Variants in SMG6 observed in about 807,000 individuals in gnomAD.
SMG6 encodes SMG6 nonsense mediated mRNA decay factor.
Under a neutral mutation model 142.2 loss-of-function variants are expected in SMG6, and 66 were observed. That is an observed-to-expected ratio of 0.46 (90% CI 0.38 to 0.57). The LOEUF (loss-of-function observed/expected upper bound fraction) is 0.57, where lower values mean the gene tolerates loss of function less well. Ranked by LOEUF, SMG6 falls within the 20% of genes least tolerant of loss-of-function variation. SMG6 has a pLI of 0.00. For missense variants in SMG6, 1,793 were observed against 1,832.0 expected (o/e 0.98, Z 0.39); for synonymous variants, 779 against 702.4 (o/e 1.11, Z -1.72).
rs1160778670 is a variant in SMG6, at chr17:2,068,806, C to T, written c.3807G>A (p.Arg1269=). ...LASLARLLES[R]KYILVVPLIV... is the part of the protein sequence containing the mutation. ...TGAGGGGCACCACCAGGATGTACTT[C>T]CTGCTCTCCAGCAGCCGCGCCAGAC... Residue 1269 remains arginine (R), a synonymous_variant, in exon 16 of 19, where the codon AGG becomes AGA. Transcript: ENST00000263073. The surrounding 1 kb of genome is among the most constrained non-coding windows in gnomAD (Gnocchi z 6.7). 2 of 1,614,090 alleles carry T rather than the reference C, an allele frequency of 1.2e-6. No homozygotes were observed. The highest frequency in any genetic ancestry group is 1.3e-5 in the African/African-American group (1 of 74,938).
At chr17:2,066,946 A>G (rs2067970097) in intron 16 of SMG6, among the ~76,000 whole-genome samples, 1 of 152,244 alleles carries the variant, frequency 6.6e-6, no homozygotes, top group South Asian at 2.1e-4. Flanking sequence ...CAGGTTAAAG[A>G]GCACCAGAAA....
Position 2,076,425 on chromosome 17 carries a change from T to C in SMG6, c.3681+5385A>G, listed in dbSNP as rs150915865. On this transcript the variant is annotated intron_variant, in intron 15 of 18. Coordinates refer to ENST00000263073, the MANE Select transcript of SMG6 (RefSeq NM_017575.5). ...ACAATTTATACCTTTTCCTTGGATTTTCCCCCCTTAAATTAAACAAAAAGA... is the reference window on the plus strand; with the variant it reads ...ACAATTTATACCTTTTCCTTGGATTCTCCCCCCTTAAATTAAACAAAAAGA... 2.8e-3 allele frequency among the ~76,000 whole-genome samples: 433 copies of C among 152,290 alleles called. 4 individuals are homozygous for C. Among genetic ancestry groups the C allele is most frequent in the African/African-American group, 8.1e-3 (336 of 41,552 alleles).
chr17:2,292,359 T>C (rs1052095839), intron 6 of SMG6, among the ~76,000 whole-genome samples, 193 bp downstream of exon 6: 16 of 152,132 alleles, frequency 1.1e-4, no homozygotes, highest in Non-Finnish European at 1.9e-4. Context: ...AGAGATGAAG[T>C]ACAGAGTTAA....
chr17:2,303,244 G>A (rs1192169971), intron 1 of SMG6: 2 of 1,038,134 alleles, frequency 1.9e-6, no homozygotes, highest in Non-Finnish European at 2.3e-6. Flanking sequence ...GCGGTGGCCG[G>A]GGCAGGCCCG....
At chr17:2,164,280 G>A (rs970372500) in intron 13 of SMG6, among the ~76,000 whole-genome samples, 7 of 146,908 alleles carry the variant, frequency 4.8e-5, no homozygotes, top group South Asian at 2.2e-4. Context: ...AAAATTAGCC[G>A]GGCATGGTGG....
At chr17:2,172,933 A>G in intron 12 of SMG6, 74 bp from the exon 13 acceptor site, 1 of 1,389,404 alleles carries the variant, frequency 7.2e-7, no homozygotes, top group South Asian at 1.2e-5. Flanking sequence ...AGTATTTGTG[A>G]GCAGGGAAGT....
intron 13 of SMG6, among the ~76,000 whole-genome samples, chr17:2,129,113 C>T (rs1486100184): frequency 6.6e-6 from 1 of 151,386 alleles, no homozygotes; most frequent in Non-Finnish European, 1.5e-5. Flanking sequence ...TTTGGGAAGC[C>T]AAGGCAGGCG....
chr17:2,153,748 C>A (rs1363684696), intron 13 of SMG6, among the ~76,000 whole-genome samples: 1 of 132,428 alleles, frequency 7.6e-6, no homozygotes, highest in Non-Finnish European at 1.6e-5. Context: ...CCTGGGGATG[C>A]ATCTAGAGTG....
chr17:2,237,661 A>C, intron 9 of SMG6: 1 of 661,728 alleles, frequency 1.5e-6, no homozygotes, highest in Non-Finnish European at 1.9e-6. Flanking sequence ...AGGGAGGCAG[A>C]AATCTAGCCA....
chr17:2,107,079 C>G (rs1197522359), intron 13 of SMG6, among the ~76,000 whole-genome samples: 1 of 152,136 alleles, frequency 6.6e-6, no homozygotes, highest in Non-Finnish European at 1.5e-5. Flanking sequence ...TAGTCTTGAA[C>G]TCCTGACCTC....
chr17:2,246,440 C>A (rs1014540678), intron 8 of SMG6, among the ~76,000 whole-genome samples: 1 of 152,372 alleles, frequency 6.6e-6, no homozygotes, highest in African/African-American at 2.4e-5. Context: ...GCAGTTCCAT[C>A]TATTTCATAT....
At chr17:2,079,343 G>C (rs890672131) in intron 15 of SMG6, among the ~76,000 whole-genome samples, 4 of 152,294 alleles carry the variant, frequency 2.6e-5, no homozygotes, top group African/African-American at 4.8e-5. Context: ...CAGAATTTCT[G>C]GGAAAACAGA....
At chr17:2,077,003 G>A (rs1597346056) in intron 15 of SMG6, among the ~76,000 whole-genome samples, 1 of 152,220 alleles carries the variant, frequency 6.6e-6, no homozygotes, top group East Asian at 1.9e-4. Context: ...GGTCGCTGGA[G>A]AGGCAAAGCT....
At chr17:2,298,776 CCCTTA>C in intron 2 of SMG6, 125 bp downstream of exon 2, 9 of 818,214 alleles carry the variant, frequency 1.1e-5, no homozygotes, top group Non-Finnish European at 1.5e-5. Context: ...AACTGCCCTT[CCCTTA>C]CAACGTGAAA....
intron 13 of SMG6, among the ~76,000 whole-genome samples, chr17:2,097,494 G>A (rs1033577409): frequency 6.6e-6 from 1 of 152,120 alleles, no homozygotes; most frequent in Non-Finnish European, 1.5e-5. Context: ...TATGAGGTGT[G>A]TTACTGTGTT....
In SMG6 at chr17:2,078,032, T is replaced by G. The variant is rs1459260735; in HGVS notation, c.3681+3778A>C. The stretch of plus-strand genomic sequence containing the variant: ...TTTTACTAGCCAAGCAAAGGCCTGA[T>G]GATTTCTGAGCAGGGGAGTGGCTCT... On this transcript the variant is annotated intron_variant, in intron 15 of 18. Coordinates refer to ENST00000263073, the MANE Select transcript of SMG6 (RefSeq NM_017575.5). 5.9e-5 allele frequency among the ~76,000 whole-genome samples: 9 copies of G among 152,150 alleles called. 1 individual carries two copies. Among genetic ancestry groups the G allele is most frequent in the Non-Finnish European group, 8.8e-5 (6 of 68,028 alleles).
intron 8 of SMG6, chr17:2,265,832 G>A (rs1207274698): frequency 3.9e-6 from 1 of 255,128 alleles, no homozygotes; most frequent in African/African-American, 2.3e-5. Flanking sequence ...TAGAGATGCT[G>A]GTTAAAATAA....
At chr17:2,146,726 C>T (rs1027048002) in intron 13 of SMG6, among the ~76,000 whole-genome samples, 5 of 152,060 alleles carry the variant, frequency 3.3e-5, no homozygotes, top group South Asian at 2.1e-4. Flanking sequence ...CTGCCACGCC[C>T]GGCTAAGTTT....
chr17:2,091,319 G>C (rs562457742), intron 13 of SMG6, among the ~76,000 whole-genome samples: 5 of 152,238 alleles, frequency 3.3e-5, no homozygotes, highest in African/African-American at 1.2e-4. Flanking sequence ...CAGAAGGCAG[G>C]AGCGAAACTG....
Sources: allele counts gnomAD v4.1 joint callset (sites outside exome capture counted in the v4.1 genomes callset), GRCh38; gene constraint gnomAD v4.1.1; non-coding constraint Gnocchi (gnomAD v3.1); transcripts MANE v1.5; gene names NCBI Gene and HGNC (gene_info 2026-07-23, HGNC 2026-07-21).